The following RTBDN variants were observed in gnomAD, a reference collection of about 807,000 sequenced individuals.
RTBDN encodes retbindin.
Under a neutral mutation model 21.9 loss-of-function variants are expected in RTBDN, and 24 were observed. The ratio of observed to expected loss-of-function variants is 1.10; its 90% CI spans 0.79 to 1.54. The LOEUF (loss-of-function observed/expected upper bound fraction) is 1.54, where lower values mean the gene tolerates loss of function less well. RTBDN is among the 40% of genes most tolerant of loss of function. The pLI is 0.00. For synonymous variants in RTBDN, 141 were observed against 125.9 expected (o/e 1.12, Z -0.80); for missense variants, 325 against 315.2 (o/e 1.03, Z -0.23).
At chr19:12,829,057 A>C in intron 2 of RTBDN, 104 bp from the exon 3 acceptor site, 1 of 1,533,810 alleles carries the variant, frequency 6.5e-7, no homozygotes, top group Non-Finnish European at 8.8e-7. Context: ...AATTACATCA[A>C]TCCTCACAAA....
chr19:12,834,954 C>T, upstream of RTBDN: 3 of 1,539,538 alleles, frequency 1.9e-6, no homozygotes, highest in Admixed American at 1.7e-5. This position sits in a 1 kb window ranked among gnomAD's most constrained non-coding sequence, Gnocchi z 4.7. Flanking sequence ...TGGGGTCTGG[C>T]CCTTCTGAGC....
In RTBDN at chr19:12,829,973, A is replaced by T; in HGVS notation, c.7T>A (p.Cys3Ser). 6.2e-7 allele frequency: 1 copy of T among 1,608,826 alleles called. No individual in the cohort carries two copies. Among genetic ancestry groups the T allele is most frequent in the Non-Finnish European group, 8.5e-7 (1 of 1,175,638 alleles). The stretch of plus-strand genomic sequence containing the variant: ...CCGATGGGTCGCATGTGGACCCTGC[A>T]GTCCATGTCCACCTGAGATAAGAGC... MD[C>S]RVHMRPIGLT... Residue 3 changes from cysteine to serine, a missense_variant, in exon 2 of 6, where the codon TGC (cysteine) becomes AGC (serine). Coordinates refer to ENST00000674343, the MANE Select transcript of RTBDN (RefSeq NM_001270441.2).
At position 12,825,728 on chromosome 19, in the gene RTBDN, C is replaced by G; in HGVS notation, c.668G>C (p.Ser223Thr). 6.3e-7 allele frequency: 1 copy of G among 1,588,174 alleles called. No homozygotes were observed. Among genetic ancestry groups the G allele is most frequent in the Non-Finnish European group, 8.6e-7 (1 of 1,168,604 alleles). ...CCGCTAGGGGCCGCTGCCGCTTCCA[C>G]TGCCACTCCCGCTGCCCGCAGCGTC... ...ILDAAGSGSGSGSGSGP is the reference protein window; with the variant it reads ...ILDAAGSGSGTGSGSGP Residue 223 changes from serine (S) to threonine (T), a missense_variant, in exon 6 of 6, where the codon AGT (serine) becomes ACT (threonine). By Grantham distance (58) the Ser-to-Thr change is moderately conservative (BLOSUM62 1). Coordinates refer to ENST00000674343, the MANE Select transcript of RTBDN (RefSeq NM_001270441.2).
At chr19:12,827,426 A>T (rs1245340736) in intron 4 of RTBDN, among the ~76,000 whole-genome samples, 7 of 149,912 alleles carry the variant, frequency 4.7e-5, no homozygotes, top group Admixed American at 2.7e-4. Context: ...AGGTTCAAAC[A>T]ATTCTCCTGC....
At position 12,826,836 on chromosome 19, in the gene RTBDN, G is replaced by A. The variant is rs759082052; in HGVS notation, c.401C>T (p.Pro134Leu). The change falls in exon 5 of 6, where the codon CCG (proline) becomes CTG (leucine). Residue 134 changes from proline to leucine, a missense_variant. Transcript: ENST00000674343. ...TTTTTCTGAGAGTGGGAGCCAAGTC[G>A]GGCCGCAGGTGATATCATCTTCGCA... ...ANCEDDITCGPTWLPLSEKRG... is the reference protein window; with the variant it reads ...ANCEDDITCGLTWLPLSEKRG... 29 of 1,554,050 alleles carry A rather than the reference G, an allele frequency of 1.9e-5. 1 individual carries two copies. The highest frequency in any genetic ancestry group is 1.8e-4 in the South Asian group (15 of 84,212).
intron 5 of RTBDN, 34 bp from the exon 6 acceptor site, chr19:12,825,967 G>A: frequency 3.3e-6 from 5 of 1,531,878 alleles, no homozygotes; most frequent in Non-Finnish European, 4.4e-6. Context: ...CCTAGTGGGC[G>A]GAGTCCAGAG....
chr19:12,827,829 C>G (rs530920024), intron 4 of RTBDN, among the ~76,000 whole-genome samples: 2 of 152,018 alleles, frequency 1.3e-5, no homozygotes, highest in African/African-American at 4.8e-5. Flanking sequence ...CATGGTGGCT[C>G]ACCCCTGTAA....
upstream of RTBDN, chr19:12,834,659 A>G: frequency 6.5e-7 from 1 of 1,534,832 alleles, no homozygotes; most frequent in African/African-American, 1.4e-5. The surrounding 1 kb of genome is among the most constrained non-coding windows in gnomAD (Gnocchi z 4.7). Flanking sequence ...TTGCAGCCTT[A>G]GAAGATGCTG....
chr19:12,833,299 C>A (rs1422211743), intron 1 of RTBDN, among the ~76,000 whole-genome samples: 1 of 151,992 alleles, frequency 6.6e-6, no homozygotes, highest in Non-Finnish European at 1.5e-5. Context: ...TGGGTGGGGA[C>A]AGTTTCCCAC....
At chr19:12,831,702 T>C (rs370426825) in intron 1 of RTBDN, among the ~76,000 whole-genome samples, 2 of 152,120 alleles carry the variant, frequency 1.3e-5, no homozygotes, top group African/African-American at 4.8e-5. Context: ...TGAAACTCTG[T>C]CTCAAAAACA....
chr19:12,825,701 G>A lies in RTBDN; in HGVS notation c.*5C>T. 1 of 1,559,956 alleles carries A rather than the reference G, an allele frequency of 6.4e-7. No individual in the cohort carries two copies. The highest frequency in any genetic ancestry group is 8.7e-7 in the Non-Finnish European group (1 of 1,153,660). Reference sequence around the variant, plus strand: ...TCGCTCCCCCAACTCAGGGCCACGCGTCCGCTAGGGGCCGCTGCCGCTTCC... The same window carrying A: ...TCGCTCCCCCAACTCAGGGCCACGCATCCGCTAGGGGCCGCTGCCGCTTCC... On this transcript the variant is annotated 3_prime_UTR_variant, in exon 6 of 6. Transcript: ENST00000674343.
intron 1 of RTBDN, chr19:12,833,911 C>G (rs1969668544): frequency 2.6e-6 from 1 of 382,094 alleles, no homozygotes; most frequent in African/African-American, 2.1e-5. Context: ...CCTCCCTCCT[C>G]CCGCCGCCGC....
chr19:12,825,525 A>C lies in RTBDN; in HGVS notation c.*181T>G. On this transcript the variant is annotated 3_prime_UTR_variant, in exon 6 of 6. Transcript: ENST00000674343. ...TATTCAAAGGGGAGAGGGAAAAGTG[A>C]GAGAGTTGGGTCATTTCTGGGATAA... 1.1e-6 allele frequency: 1 copy of C among 937,192 alleles called. No homozygotes were observed. The highest frequency in any genetic ancestry group is 1.5e-6 in the Non-Finnish European group (1 of 660,744). 58.1% of individuals were successfully genotyped at this position (937,192 alleles called of 1,614,324 possible).
Position 12,825,931 on chromosome 19 carries a change from G to A in RTBDN, c.465C>T (p.Thr155=), listed in dbSNP as rs1183198660. The part of the protein sequence containing the change: ...CEPSCLTYGQ[T]FADGTDLCRS... Reference sequence around the variant, plus strand: ...GACAAAGGTCCGTCCCGTCTGCGAAGGTCTAGGAAAAAGTGGAGTTAAGGC... The same window carrying A: ...GACAAAGGTCCGTCCCGTCTGCGAAAGTCTAGGAAAAAGTGGAGTTAAGGC... Residue 155 remains threonine, a splice_region_variant and synonymous_variant, in exon 6 of 6, where the codon ACC becomes ACT. Coordinates refer to ENST00000674343, the MANE Select transcript of RTBDN (RefSeq NM_001270441.2). 1 of 1,575,500 alleles carries A rather than the reference G, an allele frequency of 6.3e-7. No homozygotes were observed. The highest frequency in any genetic ancestry group is 8.6e-7 in the Non-Finnish European group (1 of 1,157,508).
At position 12,830,709 on chromosome 19, in the gene RTBDN, G is replaced by A. The variant is rs1057133555; in HGVS notation, c.-18-712C>T. ...GGGGCGTGGCTTAATGCAGGGGCGG[G>A]ACCTCCCACCGTCCTGCCCACACTC... On this transcript the variant is annotated intron_variant, in intron 1 of 5. Coordinates refer to ENST00000674343, the MANE Select transcript of RTBDN (RefSeq NM_001270441.2). This position sits in a 1 kb window ranked among gnomAD's most constrained non-coding sequence, Gnocchi z 4.2. 1.2e-5 allele frequency: 12 copies of A among 984,242 alleles called. No individual in the cohort carries two copies. In the African/African-American group the frequency reaches 1.9e-4, roughly 16 times the overall value. 61.0% of individuals were successfully genotyped at this position (984,242 alleles called of 1,614,324 possible). A position where few individuals can be genotyped will look rare whatever the true frequency, so the allele number is the denominator to read the frequency against.
chr19:12,834,851 G>A (rs766729439), upstream of RTBDN: 5 of 1,614,084 alleles, frequency 3.1e-6, no homozygotes, highest in South Asian at 5.5e-5. This position sits in a 1 kb window ranked among gnomAD's most constrained non-coding sequence, Gnocchi z 4.7. Flanking sequence ...GCGTTTCTGA[G>A]GGGTTAGTAC....
At chr19:12,835,251 G>A (rs550330797), upstream of RTBDN, 130 of 713,044 alleles carry the variant, frequency 1.8e-4, 1 homozygote, top group African/African-American at 2.2e-3. Flanking sequence ...AAACTAATTT[G>A]CTTTCAGAGC....
At position 12,830,612 on chromosome 19, in the gene RTBDN, C is replaced by G. The variant is rs1378252619; in HGVS notation, c.-18-615G>C. 5.1e-6 allele frequency: 5 copies of G among 985,492 alleles called. No individual in the cohort carries two copies. In the African/African-American group the frequency reaches 8.7e-5, roughly 17 times the overall value. 61.0% of individuals were successfully genotyped at this position (985,492 alleles called of 1,614,324 possible). A position where few individuals can be genotyped will look rare whatever the true frequency, so the allele number is the denominator to read the frequency against. ...CGCCTCCCCGCATTCAGCCCCTCAC[C>G]TGTTGGCTGGATTGGGGTCTAGAGG... On this transcript the variant is annotated intron_variant, in intron 1 of 5. Coordinates refer to ENST00000674343, the MANE Select transcript of RTBDN (RefSeq NM_001270441.2). This position sits in a 1 kb window ranked among gnomAD's most constrained non-coding sequence, Gnocchi z 4.2.
chr19:12,826,407 G>C (rs1404562354), intron 5 of RTBDN: 5 of 1,269,622 alleles, frequency 3.9e-6, no homozygotes, highest in Non-Finnish European at 5.1e-6. Flanking sequence ...AAAGAACTTG[G>C]TGGGGGCCGG....
Sources: allele counts gnomAD v4.1 joint callset (sites outside exome capture counted in the v4.1 genomes callset), GRCh38; gene constraint gnomAD v4.1.1; non-coding constraint Gnocchi (gnomAD v3.1); transcripts MANE v1.5; gene names NCBI Gene and HGNC (gene_info 2026-07-23, HGNC 2026-07-21).